Variants in ZNF26 observed in about 807,000 individuals in gnomAD.
ZNF26 encodes zinc finger protein 26.
Under a neutral mutation model 54.9 loss-of-function variants are expected in ZNF26, and 32 were observed. The ratio of observed to expected loss-of-function variants is 0.58; its 90% confidence interval spans 0.44 to 0.78. ZNF26 has a LOEUF of 0.78. ZNF26 is among the 30% of genes least tolerant of loss of function. The pLI is 0.00. For missense variants in ZNF26, 524 were observed against 634.0 expected, an observed-to-expected ratio of 0.83 and a Z score of 1.86; for synonymous variants, 221 against 209.2, an observed-to-expected ratio of 1.06 and a Z score of -0.49.
chr12:133,011,044 C>T lies in ZNF26; in HGVS notation c.1165C>T (p.Leu389=), dbSNP rs1953461073. 2 of 1,614,048 alleles carry T rather than the reference C, an allele frequency of 1.2e-6. No homozygotes were observed. The highest frequency in any genetic ancestry group is 2.7e-5 in the African/African-American group (2 of 74,912). ...FGRKEQLTAH[L]RAHAGEKPYG... is the part of the protein sequence containing the mutation. The stretch of plus-strand genomic sequence containing the variant: ...TAGGAAGGAACAGCTCACTGCACAT[C>T]TGAGAGCTCATGCAGGAGAGAAGCC... The change falls in exon 4 of 4, where the codon CTG becomes TTG. Residue 389 remains leucine, a synonymous_variant. Coordinates refer to ENST00000328654, the MANE Select transcript of ZNF26 (RefSeq NM_019591.4).
chr12:132,989,961 G>A (rs1399480460), intron 1 of ZNF26, among the ~76,000 whole-genome samples: 1 of 152,118 alleles, frequency 6.6e-6, no homozygotes, highest in African/African-American at 2.4e-5. Context: ...GAGGGTTTTT[G>A]TTGTTGTTAA....
In ZNF26 at chr12:133,016,627, A is replaced by G. The variant is rs1422994731; in HGVS notation, c.*5146A>G. 6.6e-6 allele frequency: 1 copy of G among 151,718 alleles called. No individual in the cohort carries two copies. Among genetic ancestry groups the G allele is most frequent in the African/African-American group, 2.4e-5 (1 of 41,282 alleles). The allele number at this position is 151,718 out of a possible 1,614,324, so 9.4% of individuals were successfully genotyped here. On this transcript the variant is annotated 3_prime_UTR_variant, in exon 4 of 4. Coordinates refer to ENST00000328654, the MANE Select transcript of ZNF26 (RefSeq NM_019591.4). ...AAGCAAAACCCCATCTCTGAAAAAA[A>G]AAAAATACCCCGGGATGGTGGCTTA...
intron 1 of ZNF26, chr12:132,987,861 C>T (rs1168121694): frequency 2.9e-6 from 1 of 347,942 alleles, no homozygotes; most frequent in African/African-American, 2.2e-5. Flanking sequence ...GGATTTCTCC[C>T]CCTGTGAGTT....
chr12:133,016,159 G>A lies in ZNF26; in HGVS notation c.*4678G>A, dbSNP rs1042621665. ...GTGATCTCGGCTCACTGCAACTTCC[G>A]CCTCTGGGGTTCAGGTGATTCTCCT... On this transcript the variant is annotated 3_prime_UTR_variant, in exon 4 of 4. Transcript: ENST00000328654. 2.1e-5 allele frequency: 3 copies of A among 144,808 alleles called. No individual in the cohort carries two copies. Among genetic ancestry groups the A allele is most frequent in the Admixed American group, 7.2e-5 (1 of 13,856 alleles). The allele number at this position is 144,808 out of a possible 1,614,324, so 9.0% of individuals were successfully genotyped here.
chr12:133,025,630 G>C lies in ZNF26; in HGVS notation c.*14149G>C, dbSNP rs1466820913. On this transcript the variant is annotated 3_prime_UTR_variant, in exon 4 of 4. Transcript: ENST00000328654. ...TTGAACCTGGGTGGACTTGTAATTT[G>C]CCTGTAGCCAACAGAATGCAGCAGA... The C allele has an allele frequency of 6.6e-6, 1 of 152,368 alleles. No individual in the cohort carries two copies. The highest frequency in any genetic ancestry group is 1.9e-4 in the East Asian group (1 of 5,180). The allele number at this position is 152,368 out of a possible 1,614,324, so 9.4% of individuals were successfully genotyped here.
At position 133,003,340 on chromosome 12, in the gene ZNF26, T is replaced by C. The variant is rs1467076121; in HGVS notation, c.34-3702T>C. On this transcript the variant is annotated intron_variant, in intron 1 of 3. Coordinates refer to ENST00000328654, the MANE Select transcript of ZNF26 (RefSeq NM_019591.4). ...CGCAATCTCGGCACACTGCAAGCTC[T>C]GCCTCCTGGGTTAACGCCATTCTCC... is the stretch of plus-strand genomic sequence containing the variant. 2.0e-5 allele frequency among the ~76,000 whole-genome samples: 3 copies of C among 151,490 alleles called. No homozygotes were observed. The East Asian group carries it at 5.8e-4, about 29-fold the overall frequency.
At chr12:132,991,916 G>A (rs1176699707) in intron 1 of ZNF26, among the ~76,000 whole-genome samples, 1 of 152,144 alleles carries the variant, frequency 6.6e-6, no homozygotes. Context: ...GGGAGGCTGA[G>A]GCCGGCGGGT....
At chr12:133,009,633 A>G (rs1305493746) in intron 3 of ZNF26, among the ~76,000 whole-genome samples, 1 of 151,700 alleles carries the variant, frequency 6.6e-6, no homozygotes, top group Non-Finnish European at 1.5e-5. Context: ...ACTTTTTGCC[A>G]TGGATTTGAA....
chr12:132,994,820 A>G (rs895442073), intron 1 of ZNF26, among the ~76,000 whole-genome samples: 24 of 152,312 alleles, frequency 1.6e-4, no homozygotes, highest in African/African-American at 5.5e-4. Flanking sequence ...CAACCTCAGC[A>G]CTATTGACAT....
At chr12:132,999,962 A>G (rs1953175372) in intron 1 of ZNF26, among the ~76,000 whole-genome samples, 2 of 151,984 alleles carry the variant, frequency 1.3e-5, no homozygotes, top group Non-Finnish European at 1.5e-5. Flanking sequence ...GAGCCACTGC[A>G]CCTGGCCTCC....
chr12:132,995,809 G>A (rs1203856657), intron 1 of ZNF26, among the ~76,000 whole-genome samples: 1 of 152,036 alleles, frequency 6.6e-6, no homozygotes, highest in Non-Finnish European at 1.5e-5. Flanking sequence ...CCACCACCAT[G>A]CCTGGATAAT....
chr12:133,000,703 T>C (rs1021939179), intron 1 of ZNF26, among the ~76,000 whole-genome samples: 12 of 151,810 alleles, frequency 7.9e-5, no homozygotes, highest in African/African-American at 9.7e-5. Flanking sequence ...GGATTACAGG[T>C]GTGAGCCACT....
In ZNF26 at chr12:133,025,353, C is replaced by G. The variant is rs1053213867; in HGVS notation, c.*13872C>G. The G allele has an allele frequency of 6.6e-6, 1 of 152,234 alleles. No individual in the cohort carries two copies. The highest frequency in any genetic ancestry group is 2.4e-5 in the African/African-American group (1 of 41,538). 9.4% of individuals were successfully genotyped at this position (152,234 alleles called of 1,614,324 possible). On this transcript the variant is annotated 3_prime_UTR_variant, in exon 4 of 4. Transcript: ENST00000328654. ...TCAGGAACTGCATCCTCAAGAGTCC[C>G]ATCTGCACCTGTAGCAGAGTTTGAC...
rs1348712291 is a variant in ZNF26 at position 133,020,287 on chromosome 12, TCTCA to T, written c.*8811_*8814del. ...GCACAGAAAGACAAATATTGCATGT[TCTCA>T]CTCATATTTGAAAGCTAAAAAAGTA... On this transcript the variant is annotated 3_prime_UTR_variant, in exon 4 of 4. Coordinates refer to ENST00000328654, the MANE Select transcript of ZNF26 (RefSeq NM_019591.4). 7.2e-5 allele frequency: 11 copies of T among 152,246 alleles called. No homozygotes were observed. Among genetic ancestry groups the T allele is most frequent in the African/African-American group, 2.4e-4 (10 of 41,518 alleles). The allele number at this position is 152,246 out of a possible 1,614,324, so 9.4% of individuals were successfully genotyped here.
chr12:133,025,020 T>G lies in ZNF26; in HGVS notation c.*13539T>G, dbSNP rs1410327823. 7.9e-5 allele frequency: 12 copies of G among 152,206 alleles called. No individual in the cohort carries two copies. The highest frequency in any genetic ancestry group is 6.5e-4 in the Admixed American group (10 of 15,280). 9.4% of individuals were successfully genotyped at this position (152,206 alleles called of 1,614,324 possible). ...ATACTCACTTGCAAACATGGTCACA[T>G]TTTATGAAAAACCATGGATGACTCA... On this transcript the variant is annotated 3_prime_UTR_variant, in exon 4 of 4. Transcript: ENST00000328654.
intron 1 of ZNF26, among the ~76,000 whole-genome samples, chr12:133,002,333 C>T (rs1179916136): frequency 3.3e-5 from 5 of 152,092 alleles, no homozygotes; most frequent in Admixed American, 6.6e-5. Flanking sequence ...TCATCCCCAT[C>T]GCTGTCACTT....
At position 133,000,236 on chromosome 12, in the gene ZNF26, ACTTTTATT is replaced by A. The variant is rs1212408179; in HGVS notation, c.34-6797_34-6790del. Among the ~76,000 whole-genome samples, 38 of 151,714 alleles carry A rather than the reference ACTTTTATT, an allele frequency of 2.5e-4. No homozygotes were observed. The East Asian group carries it at 3.1e-3, about 12-fold the overall frequency. On this transcript the variant is annotated intron_variant, in intron 1 of 3. Coordinates refer to ENST00000328654, the MANE Select transcript of ZNF26 (RefSeq NM_019591.4). ...AATTTTAACAGTTATTTTGTATTTT[ACTTTTATT>A]CTTTTATTTATTTATTTATTTATTT... is the stretch of plus-strand genomic sequence containing the variant.
chr12:133,002,030 G>A (rs1246217208), intron 1 of ZNF26, among the ~76,000 whole-genome samples: 3 of 152,058 alleles, frequency 2.0e-5, no homozygotes, highest in East Asian at 3.9e-4. Context: ...TTCTTCTCAC[G>A]TGTTCTTAGC....
Position 133,016,344 on chromosome 12 carries a change from A to G in ZNF26, c.*4863A>G, listed in dbSNP as rs1953566174. On this transcript the variant is annotated 3_prime_UTR_variant, in exon 4 of 4. Coordinates refer to ENST00000328654, the MANE Select transcript of ZNF26 (RefSeq NM_019591.4). The stretch of plus-strand genomic sequence containing the variant: ...CGCCTTGGCCTCCCAAAGTGCTAGG[A>G]TTACAGGCATGAGCCATCGTACCCG... The G allele has an allele frequency of 6.6e-6, 1 of 150,886 alleles. No individual in the cohort carries two copies. 9.3% of individuals were successfully genotyped at this position (150,886 alleles called of 1,614,324 possible).
Sources: allele counts gnomAD v4.1 joint callset (sites outside exome capture counted in the v4.1 genomes callset), GRCh38; gene constraint gnomAD v4.1.1; transcripts MANE v1.5; gene names NCBI Gene and HGNC (gene_info 2026-07-23, HGNC 2026-07-21).